SCARA3: variants seen among roughly 807,000 people sequenced by gnomAD.
SCARA3 encodes the protein cellular stress response gene protein.
SCARA3 carries 39 observed loss-of-function variants against 47.0 expected under a neutral mutation model. That is an observed-to-expected ratio of 0.83 (90% CI 0.64 to 1.08). SCARA3 has a LOEUF of 1.08. SCARA3 is among the 50% of genes least tolerant of loss of function. The pLI is 0.00. For missense variants in SCARA3, 724 were observed against 792.3 expected (o/e 0.91, Z 1.04); for synonymous variants, 356 against 334.1 (o/e 1.07, Z -0.71).
chr8:27,670,986 C>T lies in SCARA3; in HGVS notation c.1456C>T (p.Pro486Ser). The stretch of plus-strand genomic sequence containing the variant: ...TGGCGGCAGAGGCCCGAAAGGAGAC[C>T]CCGGCAGCTTGGGCCCCCTGGGACC... ...PVGGRGPKGD[P>S]GSLGPLGPQG... Residue 486 changes from proline to serine, a missense_variant, in exon 6 of 6, where the codon CCC becomes TCC. Physicochemically the swap from Pro to Ser is moderately conservative, Grantham distance 74. Transcript: ENST00000301904. 6.2e-7 allele frequency: 1 copy of T among 1,608,328 alleles called. No individual in the cohort carries two copies. Among genetic ancestry groups the T allele is most frequent in the Non-Finnish European group, 8.5e-7 (1 of 1,178,430 alleles).
the SCARA3 span, chr8:27,733,757 G>T: frequency 6.6e-6 from 1 of 152,158 alleles, no homozygotes; most frequent in Non-Finnish European, 1.5e-5. Flanking sequence ...AATATCACGC[G>T]TAGGAAAAAC....
chr8:27,724,279 A>C, the SCARA3 span, among the ~76,000 whole-genome samples: 1 of 152,218 alleles, frequency 6.6e-6, no homozygotes, highest in Non-Finnish European at 1.5e-5. Context: ...AATATATTTT[A>C]TCTGGCTCTA....
the SCARA3 span, among the ~76,000 whole-genome samples, chr8:27,716,400 T>C: frequency 6.6e-6 from 1 of 152,040 alleles, no homozygotes; most frequent in Non-Finnish European, 1.5e-5. Flanking sequence ...AAGTACAAGA[T>C]GAGCCTGGAA....
chr8:27,686,897 G>A, the SCARA3 span, among the ~76,000 whole-genome samples: 2 of 152,224 alleles, frequency 1.3e-5, no homozygotes, highest in Non-Finnish European at 1.5e-5. Context: ...CCATCACTAA[G>A]TATTAAGCCC....
chr8:27,636,456 A>T (rs906489487), intron 1 of SCARA3, among the ~76,000 whole-genome samples: 9 of 152,174 alleles, frequency 5.9e-5, no homozygotes, highest in Non-Finnish European at 1.3e-4. Context: ...GAATTTATTT[A>T]AAAAAAGAGG....
chr8:27,730,525 T>C, the SCARA3 span, among the ~76,000 whole-genome samples: 4 of 148,158 alleles, frequency 2.7e-5, no homozygotes, highest in Non-Finnish European at 5.9e-5. Flanking sequence ...TCACTCAGGC[T>C]CAGGCTGGAG....
chr8:27,700,492 A>T, the SCARA3 span, among the ~76,000 whole-genome samples: 1 of 152,132 alleles, frequency 6.6e-6, no homozygotes, highest in Non-Finnish European at 1.5e-5. Flanking sequence ...CTGTAGTCCC[A>T]GCTACTTGGA....
At chr8:27,664,041 G>A (rs976047486) in intron 5 of SCARA3, among the ~76,000 whole-genome samples, 1 of 152,182 alleles carries the variant, frequency 6.6e-6, no homozygotes, top group Non-Finnish European at 1.5e-5. Flanking sequence ...CACCTTAGAA[G>A]GGATATCTGT....
intron 1 of SCARA3, among the ~76,000 whole-genome samples, chr8:27,635,833 C>T (rs1022262184): frequency 6.6e-6 from 1 of 152,122 alleles, no homozygotes. Context: ...ACACTGGGCC[C>T]CACAAATTAT....
At chr8:27,646,794 T>C (rs1400902752) in intron 1 of SCARA3, among the ~76,000 whole-genome samples, 1 of 152,122 alleles carries the variant, frequency 6.6e-6, no homozygotes, top group African/African-American at 2.4e-5. Flanking sequence ...GAGATCATAA[T>C]CCTGGTGACT....
intron 1 of SCARA3, among the ~76,000 whole-genome samples, chr8:27,639,457 T>C (rs1336295202): frequency 1.3e-5 from 2 of 151,608 alleles, no homozygotes; most frequent in Non-Finnish European, 2.9e-5. Flanking sequence ...ATGGGGTCAG[T>C]GAAGAGGGCA....
chr8:27,649,752 C>A lies in SCARA3; in HGVS notation c.58C>A (p.Leu20Met). 6.2e-7 allele frequency: 1 copy of A among 1,614,198 alleles called. No homozygotes were observed. The part of the protein sequence containing the change: ...GDALCVTEED[L>M]AGDDEDMPTF... ...TGCCTTGTGCGTTACAGAAGAGGACCTGGCGGGTGACGACGAGGACATGCC... is the reference window on the plus strand; with the variant it reads ...TGCCTTGTGCGTTACAGAAGAGGACATGGCGGGTGACGACGAGGACATGCC... Residue 20 changes from leucine (L) to methionine (M), a missense_variant, in exon 2 of 6, where the codon CTG becomes ATG. Leu to Met is a conservative substitution (Grantham distance 15). Coordinates refer to ENST00000301904, the MANE Select transcript of SCARA3 (RefSeq NM_016240.3).
At chr8:27,683,689 T>G in the SCARA3 span, among the ~76,000 whole-genome samples, 1 of 152,126 alleles carries the variant, frequency 6.6e-6, no homozygotes, top group East Asian at 1.9e-4. Flanking sequence ...CAAAAACACT[T>G]GTACAAAAAC....
chr8:27,652,392 C>G (rs1801651690), intron 3 of SCARA3, among the ~76,000 whole-genome samples: 1 of 152,176 alleles, frequency 6.6e-6, no homozygotes, highest in African/African-American at 2.4e-5. Flanking sequence ...CAATCCCATT[C>G]CACTCTTAGC....
chr8:27,681,801 G>A, the SCARA3 span, among the ~76,000 whole-genome samples: 1 of 152,112 alleles, frequency 6.6e-6, no homozygotes, highest in South Asian at 2.1e-4. Flanking sequence ...AGACTAAATG[G>A]CGATATATAC....
chr8:27,710,076 A>C, the SCARA3 span, among the ~76,000 whole-genome samples: 3 of 152,152 alleles, frequency 2.0e-5, no homozygotes, highest in Non-Finnish European at 4.4e-5. Flanking sequence ...TACAAATACA[A>C]AAAATTAGTA....
the SCARA3 span, among the ~76,000 whole-genome samples, chr8:27,721,746 G>A: frequency 6.6e-6 from 1 of 152,096 alleles, no homozygotes; most frequent in Non-Finnish European, 1.5e-5. Context: ...TGATTCCTCA[G>A]TAATCAAAGT....
At chr8:27,684,088 T>G in the SCARA3 span, among the ~76,000 whole-genome samples, 1 of 152,320 alleles carries the variant, frequency 6.6e-6, no homozygotes, top group African/African-American at 2.4e-5. Context: ...ATGTTTTTGC[T>G]GTCATGAAAA....
intron 5 of SCARA3, among the ~76,000 whole-genome samples, chr8:27,663,721 T>G (rs1246089372): frequency 6.6e-6 from 1 of 152,154 alleles, no homozygotes; most frequent in African/African-American, 2.4e-5. Context: ...ATTGTACTGA[T>G]TCACCTACAG....
Sources: allele counts gnomAD v4.1 joint callset (sites outside exome capture counted in the v4.1 genomes callset), GRCh38; gene constraint gnomAD v4.1.1; transcripts MANE v1.5; gene names NCBI Gene and HGNC (gene_info 2026-07-23, HGNC 2026-07-21).